Variants in VPS50 observed in about 807,000 individuals in gnomAD.
VPS50 encodes the protein VPS50 subunit of EARP/GARPII complex, also known as syndetin.
VPS50 carries 70 observed loss-of-function variants against 139.7 expected under a neutral mutation model. That is an observed-to-expected ratio of 0.50 (90% confidence interval 0.41 to 0.61). The LOEUF (loss-of-function observed/expected upper bound fraction) is 0.61, where lower values mean the gene tolerates loss of function less well. VPS50 is among the 20% of genes least tolerant of loss of function. The probability of loss-of-function intolerance (pLI) is 0.00; values close to 1 mark genes in which losing one functional copy is unlikely to be tolerated. For synonymous variants in VPS50, 365 were observed against 376.7 expected, an observed-to-expected ratio of 0.97 and a Z score of 0.36; for missense variants, 921 against 1,133.7, an observed-to-expected ratio of 0.81 and a Z score of 2.69.
At chr7:93,338,683 A>G (rs1798131954) in intron 22 of VPS50, among the ~76,000 whole-genome samples, 1 of 152,180 alleles carries the variant, frequency 6.6e-6, no homozygotes, top group African/African-American at 2.4e-5. Flanking sequence ...GTAAACAGGT[A>G]ATAGCATGGT....
chr7:93,357,858 C>T (rs1798748970), intron 27 of VPS50, among the ~76,000 whole-genome samples: 2 of 152,020 alleles, frequency 1.3e-5, no homozygotes, highest in African/African-American at 4.8e-5. Flanking sequence ...TTTGTTGTAT[C>T]TTAGAAGAGT....
intron 12 of VPS50, among the ~76,000 whole-genome samples, chr7:93,279,599 T>C (rs1438513709): frequency 1.3e-5 from 2 of 152,176 alleles, no homozygotes; most frequent in Non-Finnish European, 2.9e-5. Flanking sequence ...TTATCGAAGA[T>C]ATACTTGTGT....
At chr7:93,325,703 C>T (rs1032206640) in intron 21 of VPS50, among the ~76,000 whole-genome samples, 24 of 152,006 alleles carry the variant, frequency 1.6e-4, no homozygotes, top group African/African-American at 4.8e-4. Context: ...AAAATGCTCA[C>T]CATCACTGGA....
chr7:93,308,984 G>A (rs1797192210), intron 19 of VPS50, 42 bp downstream of exon 19: 1 of 1,061,526 alleles, frequency 9.4e-7, no homozygotes. Context: ...ATTTTATCTT[G>A]TGCTCTTAAC....
At position 93,291,540 on chromosome 7, in the gene VPS50, A is replaced by G. The variant is rs144979411; in HGVS notation, c.943-163A>G. On this transcript the variant is annotated intron_variant, in intron 12 of 27. Coordinates refer to ENST00000305866, the MANE Select transcript of VPS50 (RefSeq NM_017667.4). ...CCATGTTGAGATGGGAATTATTTAA[A>G]AATTTTTTTTCTCCCCATTGAATTT... 9.7e-3 allele frequency among the ~76,000 whole-genome samples: 1,470 copies of G among 152,180 alleles called. 9 individuals carry two copies. The highest frequency in any genetic ancestry group is 0.025 in the South Asian group (119 of 4,830).
chr7:93,308,801 T>C, intron 18 of VPS50, 23 bp from the exon 19 acceptor site: 1 of 1,367,746 alleles, frequency 7.3e-7, no homozygotes, highest in South Asian at 1.2e-5. Flanking sequence ...TACTCATTTT[T>C]TAATAACCTG....
chr7:93,250,990 C>A (rs867549710), intron 2 of VPS50, among the ~76,000 whole-genome samples: 2 of 152,164 alleles, frequency 1.3e-5, no homozygotes, highest in Non-Finnish European at 2.9e-5. Flanking sequence ...TACCATTTCA[C>A]GCCAGTTAGA....
intron 22 of VPS50, among the ~76,000 whole-genome samples, chr7:93,337,996 A>G (rs1295355808): frequency 1.3e-5 from 2 of 152,070 alleles, no homozygotes; most frequent in Non-Finnish European, 2.9e-5. Flanking sequence ...TTGAGTAGCC[A>G]CCCATTTTGC....
chr7:93,235,385 G>A (rs986817810), intron 1 of VPS50, among the ~76,000 whole-genome samples: 2 of 152,134 alleles, frequency 1.3e-5, no homozygotes, highest in African/African-American at 4.8e-5. Flanking sequence ...GATATAATTG[G>A]ACATAACACT....
At chr7:93,273,242 A>T (rs1439399604) in intron 11 of VPS50, 1 of 152,130 alleles carries the variant, frequency 6.6e-6, no homozygotes, top group African/African-American at 2.4e-5. Context: ...CTCTCATAAT[A>T]TATGGCTTTT....
At chr7:93,264,602 C>A (rs1055375950) in intron 9 of VPS50, among the ~76,000 whole-genome samples, 1 of 152,142 alleles carries the variant, frequency 6.6e-6, no homozygotes, top group Non-Finnish European at 1.5e-5. Flanking sequence ...CATAATCTTT[C>A]AAGAATTCCT....
At chr7:93,315,975 G>A (rs570266224) in intron 20 of VPS50, among the ~76,000 whole-genome samples, 15 of 151,974 alleles carry the variant, frequency 9.9e-5, no homozygotes, top group Non-Finnish European at 2.2e-4. Flanking sequence ...AATTTACAGT[G>A]TGTTGTTATA....
rs187472204 is a variant in VPS50, at chr7:93,290,376, A to T, written c.943-1327A>T. Among the ~76,000 whole-genome samples the T allele has an allele frequency of 2.0e-5, 3 of 151,796 alleles. No homozygotes were observed. In the East Asian group the frequency reaches 5.8e-4, roughly 29 times the overall value. On this transcript the variant is annotated intron_variant, in intron 12 of 27. Coordinates refer to ENST00000305866, the MANE Select transcript of VPS50 (RefSeq NM_017667.4). ...TGAATTAGCAGGTGTTCTCATAAAT[A>T]GCAGTGTAAACAGTTAAACAGTAGT...
chr7:93,252,078 A>T (rs982285462), intron 2 of VPS50, among the ~76,000 whole-genome samples: 2 of 152,230 alleles, frequency 1.3e-5, no homozygotes, highest in African/African-American at 4.8e-5. Flanking sequence ...GTTTAGCTTC[A>T]TAATCAGATC....
At chr7:93,322,115 T>C (rs1030899170) in intron 20 of VPS50, among the ~76,000 whole-genome samples, 9 of 152,220 alleles carry the variant, frequency 5.9e-5, no homozygotes, top group African/African-American at 1.9e-4. Context: ...GAGTAGTTTT[T>C]ACTGTGTTTT....
rs369375757 is a variant in VPS50 at position 93,284,543 on chromosome 7, G to A, written c.943-7160G>A. Reference sequence around the variant, plus strand: ...ATATCATACATATTACATGTCTTATGTGTATATACATATTTAGCATTAATG... The same window carrying A: ...ATATCATACATATTACATGTCTTATATGTATATACATATTTAGCATTAATG... On this transcript the variant is annotated intron_variant, in intron 12 of 27. Coordinates refer to ENST00000305866, the MANE Select transcript of VPS50 (RefSeq NM_017667.4). Among the ~76,000 whole-genome samples the A allele has an allele frequency of 8.5e-5, 13 of 152,278 alleles. No individual in the cohort carries two copies. In the East Asian group the frequency reaches 1.7e-3, roughly 20 times the overall value.
intron 8 of VPS50, among the ~76,000 whole-genome samples, chr7:93,259,017 G>A (rs1372369784): frequency 6.6e-6 from 1 of 151,660 alleles, no homozygotes; most frequent in Non-Finnish European, 1.5e-5. Flanking sequence ...TGCTAACTAG[G>A]GTTTCAGAAA....
At position 93,294,564 on chromosome 7, in the gene VPS50, T is replaced by C; in HGVS notation, c.1095T>C (p.Gly365=). Residue 365 remains glycine, a synonymous_variant, in exon 14 of 28, where the codon GGT becomes GGC. Transcript: ENST00000305866. ...ASASEGSNMI[G]TEETNFDRGY... is the part of the protein sequence containing the mutation. The stretch of plus-strand genomic sequence containing the variant: ...TTTCAGAAGGGAGTAATATGATAGG[T>C]ACTGAAGAAACTAATTTTGATCGTG... 6.3e-7 allele frequency: 1 copy of C among 1,592,936 alleles called. No individual in the cohort carries two copies. Among genetic ancestry groups the C allele is most frequent in the Non-Finnish European group, 8.5e-7 (1 of 1,170,254 alleles).
chr7:93,248,265 A>G (rs529671124), intron 2 of VPS50, among the ~76,000 whole-genome samples: 15 of 151,746 alleles, frequency 9.9e-5, no homozygotes, highest in Non-Finnish European at 1.8e-4. Flanking sequence ...ATTTCCCCCA[A>G]TTTTGCCTTG....
Sources: gnomAD v4.1 joint callset for allele counts (sites outside exome capture counted in the v4.1 genomes callset) on GRCh38, gnomAD v4.1.1 for gene constraint, MANE v1.5 for transcripts, NCBI Gene and HGNC (gene_info 2026-07-23, HGNC 2026-07-21) for gene names.